OR7E24: variants seen among roughly 807,000 people sequenced by gnomAD.
The protein encoded by OR7E24 is olfactory receptor 7E24.
For missense variants in OR7E24, 385 were observed against 410.3 expected (o/e 0.94, Z 0.53); for synonymous variants, 130 against 157.5 (o/e 0.83, Z 1.31).
chr19:9,228,684 C>A, the OR7E24 span, among the ~76,000 whole-genome samples: 26 of 152,128 alleles, frequency 1.7e-4, no homozygotes, highest in Admixed American at 3.9e-4. Context: ...TTCACCAGGA[C>A]AAAACCTACT....
At chr19:9,242,782 C>T (rs1048241489), upstream of OR7E24, among the ~76,000 whole-genome samples, 2 of 152,026 alleles carry the variant, frequency 1.3e-5, no homozygotes, top group Admixed American at 6.6e-5. Context: ...ATAACTGAGA[C>T]GTTGCTTCCT....
chr19:9,217,979 A>G, the OR7E24 span, among the ~76,000 whole-genome samples: 1 of 152,218 alleles, frequency 6.6e-6, no homozygotes, highest in Non-Finnish European at 1.5e-5. Flanking sequence ...GGAGCAGGGA[A>G]TGAAAGCGGG....
chr19:9,242,532 G>A (rs531525308), upstream of OR7E24, among the ~76,000 whole-genome samples: 7 of 152,276 alleles, frequency 4.6e-5, no homozygotes, highest in African/African-American at 1.4e-4. Flanking sequence ...TTATAGGCAT[G>A]AGCCACCACA....
the OR7E24 span, among the ~76,000 whole-genome samples, chr19:9,241,742 C>A: frequency 6.6e-6 from 1 of 152,012 alleles, no homozygotes; most frequent in Admixed American, 6.6e-5. Flanking sequence ...CCAGCCTGGG[C>A]GACAGAGTGA....
the OR7E24 span, among the ~76,000 whole-genome samples, chr19:9,229,876 A>C: frequency 6.6e-6 from 1 of 152,158 alleles, no homozygotes; most frequent in Non-Finnish European, 1.5e-5. Context: ...AATTGGGTTT[A>C]ACAGGGACAC....
the OR7E24 span, among the ~76,000 whole-genome samples, chr19:9,230,505 A>G: frequency 0.22 from 33,137 of 151,926 alleles, 3,886 homozygotes; most frequent in South Asian, 0.31. Context: ...TGATCTCCAA[A>G]TCCTCTCCAC....
chr19:9,230,368 T>A, the OR7E24 span, among the ~76,000 whole-genome samples: 1 of 152,140 alleles, frequency 6.6e-6, no homozygotes, highest in South Asian at 2.1e-4. Flanking sequence ...ATTTTAAAGG[T>A]ACTTTAGTTT....
the OR7E24 span, chr19:9,207,093 T>A: frequency 6.6e-6 from 1 of 152,216 alleles, no homozygotes. Context: ...TCAAATTCAT[T>A]ATCCTTCAGC....
upstream of OR7E24, among the ~76,000 whole-genome samples, chr19:9,244,771 G>A (rs918088886): frequency 2.0e-5 from 3 of 152,096 alleles, no homozygotes; most frequent in African/African-American, 7.2e-5. Flanking sequence ...TAACTCAAAG[G>A]ATATACTATC....
chr19:9,251,371 A>G lies in OR7E24; in HGVS notation c.328A>G (p.Ile110Val). 1 of 1,614,052 alleles carries G rather than the reference A, an allele frequency of 6.2e-7. No homozygotes were observed. Among genetic ancestry groups the G allele is most frequent in the Non-Finnish European group, 8.5e-7 (1 of 1,179,976 alleles). ...GGACATGCAAACTCACAGCAGAGTC[A>G]TCTCCTATGAAGGCTGCCTGACTCA... is the stretch of plus-strand genomic sequence containing the variant. ...IVDMQTHSRVISYEGCLTQMS... is the reference protein window; with the variant it reads ...IVDMQTHSRVVSYEGCLTQMS... Residue 110 changes from isoleucine to valine, a missense_variant, in exon 1 of 1, where the codon ATC (isoleucine) becomes GTC (valine). Physicochemically the swap from Ile to Val is conservative, Grantham distance 29 (BLOSUM62 3). Coordinates refer to ENST00000456448, the MANE Select transcript of OR7E24 (RefSeq NM_001079935.2).
chr19:9,214,122 G>A, the OR7E24 span: 1 of 1,614,172 alleles, frequency 6.2e-7, no homozygotes, highest in South Asian at 1.1e-5. Context: ...TCCACAGGTG[G>A]AAAAGGCTTT....
the OR7E24 span, among the ~76,000 whole-genome samples, chr19:9,242,326 G>C: frequency 6.6e-6 from 1 of 151,974 alleles, no homozygotes; most frequent in Non-Finnish European, 1.5e-5. Context: ...CTCAGCCCAC[G>C]GCAACCACCT....
upstream of OR7E24, among the ~76,000 whole-genome samples, chr19:9,246,466 T>TGG (rs1555720675): frequency 0.016 from 2,094 of 131,054 alleles, 46 homozygotes; most frequent in African/African-American, 0.04. Context: ...CTTAAAGGTA[T>TGG]TGTGTGTGTG....
chr19:9,212,941 G>A, the OR7E24 span: 5 of 152,120 alleles, frequency 3.3e-5, no homozygotes, highest in Non-Finnish European at 5.9e-5. Context: ...TGTTTTTATG[G>A]AAAGTAGGAT....
the OR7E24 span, chr19:9,213,638 T>C: frequency 2.4e-6 from 1 of 409,188 alleles, no homozygotes; most frequent in Non-Finnish European, 4.5e-6. Flanking sequence ...CTTGAGAGGC[T>C]GAGGCAGGAG....
the OR7E24 span, chr19:9,212,675 G>A: frequency 6.6e-5 from 10 of 152,090 alleles, no homozygotes; most frequent in African/African-American, 2.4e-4. Flanking sequence ...TATATTACTA[G>A]GAACCATTTG....
chr19:9,233,669 G>C, the OR7E24 span, among the ~76,000 whole-genome samples: 14 of 152,138 alleles, frequency 9.2e-5, no homozygotes, highest in African/African-American at 2.7e-4. Flanking sequence ...CATCCTTGAT[G>C]GTCAGCACAG....
the OR7E24 span, among the ~76,000 whole-genome samples, chr19:9,215,788 G>T: frequency 6.6e-6 from 1 of 151,982 alleles, no homozygotes; most frequent in African/African-American, 2.4e-5. Context: ...CTCTTCCAAG[G>T]TATAGCATAG....
chr19:9,228,097 G>A, the OR7E24 span, among the ~76,000 whole-genome samples: 1 of 152,142 alleles, frequency 6.6e-6, no homozygotes, highest in Non-Finnish European at 1.5e-5. Flanking sequence ...TCATCACACT[G>A]TCTTCCATAA....
Sources: allele counts gnomAD v4.1 joint callset (sites outside exome capture counted in the v4.1 genomes callset), GRCh38; gene constraint gnomAD v4.1.1; transcripts MANE v1.5; gene names NCBI Gene and HGNC (gene_info 2026-07-23, HGNC 2026-07-21).